Variants in KIF27 observed in about 807,000 individuals in gnomAD.
KIF27 encodes kinesin family member 27.
Under a neutral mutation model 141.8 loss-of-function variants are expected in KIF27, and 84 were observed. The observed-to-expected ratio is 0.59, with a 90% CI of 0.50 to 0.71. The LOEUF (loss-of-function observed/expected upper bound fraction) is 0.71, where lower values mean the gene tolerates loss of function less well. Among genes scored for constraint, KIF27 ranks in the 30% least tolerant of loss-of-function variants. The pLI is 0.00. For missense variants in KIF27, 1,306 were observed against 1,628.4 expected (o/e 0.80, Z 3.41); for synonymous variants, 471 against 569.5 (o/e 0.83, Z 2.46).
rs146060065 is a variant in KIF27, at chr9:83,847,010, G to A, written c.3556+3089C>T. The stretch of plus-strand genomic sequence containing the variant: ...AATACAGGAGATCCATTAGGGCGTC[G>A]CTTAGTATTACCATGCTCTGTGATT... On this transcript the variant is annotated intron_variant, in intron 16 of 17. Coordinates refer to ENST00000297814, the MANE Select transcript of KIF27 (RefSeq NM_017576.4). Among the ~76,000 whole-genome samples the A allele has an allele frequency of 2.0e-4, 30 of 152,196 alleles. No individual in the cohort carries two copies. The East Asian group carries it at 3.7e-3, about 19-fold the overall frequency.
intron 3 of KIF27, among the ~76,000 whole-genome samples, chr9:83,906,572 C>A (rs1325858952): frequency 6.6e-6 from 1 of 151,846 alleles, no homozygotes; most frequent in African/African-American, 2.4e-5. Flanking sequence ...GAAACCCCGT[C>A]TCTACAAAAA....
intron 2 of KIF27, among the ~76,000 whole-genome samples, chr9:83,913,067 A>G (rs1955335069): frequency 6.6e-6 from 1 of 152,078 alleles, no homozygotes; most frequent in Admixed American, 6.6e-5. Context: ...TAGGAGGCCA[A>G]GGTGGAAGAA....
intron 4 of KIF27, among the ~76,000 whole-genome samples, chr9:83,901,884 T>A (rs1265998514): frequency 6.6e-6 from 1 of 151,850 alleles, no homozygotes; most frequent in African/African-American, 2.4e-5. Flanking sequence ...AAAAAAAAAA[T>A]TGTTAGAGAA....
intron 16 of KIF27, among the ~76,000 whole-genome samples, chr9:83,843,988 T>C (rs1946892214): frequency 6.6e-6 from 1 of 152,186 alleles, no homozygotes; most frequent in Non-Finnish European, 1.5e-5. Context: ...GTATTGAGTG[T>C]GTCTGTGAAA....
At chr9:83,914,842 C>T (rs1412841190) in intron 2 of KIF27, among the ~76,000 whole-genome samples, 3 of 152,050 alleles carry the variant, frequency 2.0e-5, no homozygotes, top group African/African-American at 7.2e-5. Flanking sequence ...GAAATTATGT[C>T]CTAAAATATT....
intron 1 of KIF27, among the ~76,000 whole-genome samples, chr9:83,919,633 A>G (rs543363667): frequency 1.3e-5 from 2 of 150,870 alleles, no homozygotes; most frequent in East Asian, 3.9e-4. Flanking sequence ...GGTGGTTCAC[A>G]TCTGTAATCC....
intron 14 of KIF27, among the ~76,000 whole-genome samples, chr9:83,856,906 C>CAA (rs573136318): frequency 1.3e-5 from 1 of 76,294 alleles, no homozygotes; most frequent in Non-Finnish European, 2.8e-5. Context: ...GACTCCATCT[C>CAA]AAAAAAAAAA....
chr9:83,906,687 G>T (rs906364861), intron 3 of KIF27, among the ~76,000 whole-genome samples: 47 of 147,846 alleles, frequency 3.2e-4, no homozygotes, highest in Middle Eastern at 3.7e-3. Context: ...AGGCTGCAGT[G>T]AGCTGTGATT....
At chr9:83,875,774 CAGAG>C (rs1951165876) in intron 11 of KIF27, among the ~76,000 whole-genome samples, 1 of 152,100 alleles carries the variant, frequency 6.6e-6, no homozygotes, top group Non-Finnish European at 1.5e-5. Context: ...ACTTTAGTGA[CAGAG>C]AGAGCACTAG....
intron 6 of KIF27, among the ~76,000 whole-genome samples, chr9:83,890,848 T>C (rs568660115): frequency 6.6e-6 from 1 of 152,326 alleles, no homozygotes; most frequent in East Asian, 1.9e-4. Context: ...ACACACAAAC[T>C]AAAATTTATA....
At chr9:83,913,899 T>C (rs1955438845) in intron 2 of KIF27, among the ~76,000 whole-genome samples, 1 of 152,176 alleles carries the variant, frequency 6.6e-6, no homozygotes, top group Non-Finnish European at 1.5e-5. Context: ...TCATTTCTTA[T>C]GCAACACTTG....
chr9:83,904,746 A>G (rs1954315422), intron 3 of KIF27, among the ~76,000 whole-genome samples: 1 of 152,102 alleles, frequency 6.6e-6, no homozygotes, highest in African/African-American at 2.4e-5. Flanking sequence ...ATTAATTAGT[A>G]TCAATTAAAA....
Position 83,842,245 on chromosome 9 carries a change from G to A in KIF27, c.3713C>T (p.Pro1238Leu). 1.3e-6 allele frequency: 2 copies of A among 1,558,128 alleles called. No homozygotes were observed. Among genetic ancestry groups the A allele is most frequent in the Middle Eastern group, 1.7e-4 (1 of 5,768 alleles). Reference protein sequence around the residue: ...VGEAIRRQLAPSEYQEAGDGV... With the variant: ...VGEAIRRQLALSEYQEAGDGV... ...AACACTAAAAGTCTTACACTCTGAT[G>A]GTGCTAGTTGCCGCCGAATTGCTTC... is the stretch of plus-strand genomic sequence containing the variant. The change falls in exon 17 of 18, where the codon CCA becomes CTA. Residue 1238 changes from proline (P) to leucine (L), a missense_variant. Around this residue, in one of 4 missense-constraint regions of KIF27, gnomAD observed 148 missense variants for 250.9 expected, o/e 0.59. Coordinates refer to ENST00000297814, the MANE Select transcript of KIF27 (RefSeq NM_017576.4).
At chr9:83,908,307 C>T (rs2132669849) in intron 3 of KIF27, 145 bp downstream of exon 3, 3 of 465,416 alleles carry the variant, frequency 6.4e-6, no homozygotes, top group East Asian at 3.5e-5. Flanking sequence ...AATAATAAAG[C>T]TGTTCAATTT....
chr9:83,885,279 G>T (rs1483609482), intron 9 of KIF27, among the ~76,000 whole-genome samples: 1 of 152,068 alleles, frequency 6.6e-6, no homozygotes, highest in Non-Finnish European at 1.5e-5. Flanking sequence ...TTTTAGTAGA[G>T]ACAGGGTTTC....
At chr9:83,874,930 T>C (rs1951085908) in intron 11 of KIF27, among the ~76,000 whole-genome samples, 1 of 91,102 alleles carries the variant, frequency 1.1e-5, no homozygotes. Context: ...CAAGACCTTG[T>C]CTCAAAAAAA....
rs1945743119 is a variant in KIF27, at chr9:83,835,631, A to T, written c.*1370T>A. 6.6e-6 allele frequency: 1 copy of T among 152,176 alleles called. No individual in the cohort carries two copies. The highest frequency in any genetic ancestry group is 1.5e-5 in the Non-Finnish European group (1 of 68,042). The allele number at this position is 152,176 out of a possible 1,614,324, so 9.4% of individuals were successfully genotyped here. Reference sequence around the variant, plus strand: ...AGAGAAAGGAAGCCTTAAGTCTTTGAGCACAGGGTGACAGTTTGGGTCCTA... The same window carrying T: ...AGAGAAAGGAAGCCTTAAGTCTTTGTGCACAGGGTGACAGTTTGGGTCCTA... On this transcript the variant is annotated 3_prime_UTR_variant, in exon 18 of 18. Transcript: ENST00000297814.
At position 83,863,160 on chromosome 9, in the gene KIF27, C is replaced by G. The variant is rs1234002071; in HGVS notation, c.2935-3789G>C. On this transcript the variant is annotated intron_variant, in intron 13 of 17. Coordinates refer to ENST00000297814, the MANE Select transcript of KIF27 (RefSeq NM_017576.4). Reference sequence around the variant, plus strand: ...ACTTCCTCTTTTCCTAACTGAATACCCTTTATTTCTTTCTCCTGCCTGATT... The same window carrying G: ...ACTTCCTCTTTTCCTAACTGAATACGCTTTATTTCTTTCTCCTGCCTGATT... Among the ~76,000 whole-genome samples, 3 of 152,086 alleles carry G rather than the reference C, an allele frequency of 2.0e-5. No homozygotes were observed. The East Asian group carries it at 5.8e-4, about 29-fold the overall frequency.
At chr9:83,889,331 C>T in intron 6 of KIF27, 78 bp from the exon 7 acceptor site, 1 of 1,304,694 alleles carries the variant, frequency 7.7e-7, no homozygotes, top group African/African-American at 1.5e-5. Context: ...ACTCTAAGTG[C>T]TTTTAAAGGG....
Sources: allele counts gnomAD v4.1 joint callset (sites outside exome capture counted in the v4.1 genomes callset), GRCh38; gene constraint gnomAD v4.1.1; regional missense constraint gnomAD v4.1.1; transcripts MANE v1.5; gene names NCBI Gene and HGNC (gene_info 2026-07-23, HGNC 2026-07-21).